DCC: variants seen among roughly 807,000 people sequenced by gnomAD.
DCC encodes netrin receptor DCC.
In DCC, 58 loss-of-function variants were observed where a neutral mutation model predicts 172.5. The ratio of observed to expected loss-of-function variants is 0.34; its 90% CI spans 0.27 to 0.42. DCC has a LOEUF of 0.42. Ranked by LOEUF, DCC falls within the 10% of genes least tolerant of loss-of-function variation. DCC has a pLI of 1.00. For missense variants in DCC, 1,740 were observed against 1,791.0 expected, an observed-to-expected ratio of 0.97 and a Z score of 0.51; for synonymous variants, 709 against 644.5, an observed-to-expected ratio of 1.10 and a Z score of -1.52.
intron 28 of DCC, 77 bp from the exon 29 acceptor site, chr18:53,530,487 C>T (rs571305506): frequency 9.3e-4 from 795 of 852,978 alleles, no homozygotes; most frequent in Admixed American, 2.0e-3. Flanking sequence ...AGCACCCCAA[C>T]TAGCTGTGGC....
At chr18:52,425,370 C>T (rs750967996) in intron 1 of DCC, among the ~76,000 whole-genome samples, 139 of 152,220 alleles carry the variant, frequency 9.1e-4, no homozygotes, top group Non-Finnish European at 1.7e-3. Context: ...TCCATGTCTC[C>T]TTGCGTTAGA....
rs1029236531 is a variant in DCC at position 53,063,356 on chromosome 18, T to C, written c.1037T>C (p.Met346Thr). The C allele has an allele frequency of 3.7e-6, 6 of 1,613,392 alleles. No homozygotes were observed. The highest frequency in any genetic ancestry group is 4.2e-6 in the Non-Finnish European group (5 of 1,179,510). Residue 346 changes from methionine (M) to threonine (T), a missense_variant, in exon 6 of 29, where the codon ATG (methionine) becomes ACG (threonine). Coordinates refer to ENST00000442544, the MANE Select transcript of DCC (RefSeq NM_005215.4). ...TCCAACCTGTATGCCTATGAAAGCATGGATATTGAGTTTGAATGTACAGTC... is the reference window on the plus strand; with the variant it reads ...TCCAACCTGTATGCCTATGAAAGCACGGATATTGAGTTTGAATGTACAGTC... ...HPSNLYAYES[M>T]DIEFECTVSG...
intron 3 of DCC, among the ~76,000 whole-genome samples, chr18:52,914,711 C>T (rs946423588): frequency 6.6e-6 from 1 of 152,104 alleles, no homozygotes; most frequent in Non-Finnish European, 1.5e-5. Flanking sequence ...AGAGTACCTA[C>T]TGGTGTTTGA....
In DCC at chr18:52,789,566, A is replaced by G. The variant is rs570100439; in HGVS notation, c.412+37192A>G. On this transcript the variant is annotated intron_variant, in intron 2 of 28. Transcript: ENST00000442544. ...CAACTTTAGCCACGCTAAGCAGTTA[A>G]GATTTTCAGCTTTTGAACTTTATAA... Among the ~76,000 whole-genome samples, 15 of 152,338 alleles carry G rather than the reference A, an allele frequency of 9.8e-5. No individual in the cohort carries two copies. The South Asian group carries it at 3.1e-3, about 32-fold the overall frequency.
intron 2 of DCC, among the ~76,000 whole-genome samples, chr18:52,805,346 G>A (rs905402416): frequency 4.6e-5 from 7 of 152,232 alleles, no homozygotes; most frequent in Non-Finnish European, 1.0e-4. Flanking sequence ...AGCCTTTGTG[G>A]AAGATGTGAC....
At chr18:52,644,578 CA>C (rs34472651) in intron 1 of DCC, among the ~76,000 whole-genome samples, 6,222 of 112,878 alleles carry the variant, frequency 0.055, 538 homozygotes, top group African/African-American at 0.2. Context: ...GACTCCGTCT[CA>C]AAAAAAAAAA....
chr18:53,516,205 T>G (rs1354648396), intron 27 of DCC, among the ~76,000 whole-genome samples: 1 of 151,172 alleles, frequency 6.6e-6, no homozygotes, highest in Non-Finnish European at 1.5e-5. Context: ...GGGGAAAGGA[T>G]TCCCTATTTA....
chr18:53,040,155 A>T (rs1433099399), intron 5 of DCC, among the ~76,000 whole-genome samples: 1 of 152,034 alleles, frequency 6.6e-6, no homozygotes, highest in African/African-American at 2.4e-5. Context: ...AGTGACATGG[A>T]TAGAATGCAG....
intron 1 of DCC, among the ~76,000 whole-genome samples, chr18:52,541,008 T>C (rs1268143014): frequency 6.6e-6 from 1 of 152,140 alleles, no homozygotes; most frequent in Non-Finnish European, 1.5e-5. Context: ...ATGAAAGTAG[T>C]GTTTTATTGT....
intron 8 of DCC, among the ~76,000 whole-genome samples, chr18:53,170,086 T>C (rs1042513050): frequency 6.6e-6 from 1 of 152,154 alleles, no homozygotes; most frequent in Non-Finnish European, 1.5e-5. Flanking sequence ...AACAAATCTG[T>C]GAAGGATAAC....
At chr18:52,700,549 T>C (rs1431171869) in intron 1 of DCC, among the ~76,000 whole-genome samples, 1 of 152,240 alleles carries the variant, frequency 6.6e-6, no homozygotes, top group African/African-American at 2.4e-5. Context: ...GAATGCCTGC[T>C]ATATTCTTTC....
At chr18:52,418,225 C>G (rs1444669327) in intron 1 of DCC, among the ~76,000 whole-genome samples, 2 of 152,190 alleles carry the variant, frequency 1.3e-5, no homozygotes, top group Non-Finnish European at 2.9e-5. Flanking sequence ...TTAATTTCCT[C>G]TGCCATTAGT....
intron 12 of DCC, among the ~76,000 whole-genome samples, chr18:53,224,715 A>T (rs1568375900): frequency 6.6e-6 from 1 of 152,192 alleles, no homozygotes. Context: ...GCAGAGCAAG[A>T]TCAAGGATAT....
chr18:52,932,589 A>G (rs1287471430), intron 5 of DCC, among the ~76,000 whole-genome samples: 1 of 152,124 alleles, frequency 6.6e-6, no homozygotes, highest in African/African-American at 2.4e-5. Context: ...AAATGGTTCT[A>G]GAATTCCCTT....
Position 52,906,063 on chromosome 18 carries a change from A to T in DCC, c.432A>T (p.Ser144=), listed in dbSNP as rs536110256. 3.3e-5 allele frequency: 54 copies of T among 1,612,174 alleles called. No individual in the cohort carries two copies. The Admixed American group carries it at 4.5e-4, about 13-fold the overall frequency. Residue 144 remains serine (S), a synonymous_variant, in exon 3 of 29, where the codon TCA becomes TCT. Coordinates refer to ENST00000442544, the MANE Select transcript of DCC (RefSeq NM_005215.4). ...TCCTAGGACCACTGAGGTTCCTTTC[A>T]CAGACAGAATCTGTCACAGCCTTCA... is the stretch of plus-strand genomic sequence containing the variant. ...VAVAGPLRFL[S]QTESVTAFMG... is the part of the protein sequence containing the mutation.
intron 8 of DCC, among the ~76,000 whole-genome samples, chr18:53,169,159 A>C (rs2054972214): frequency 6.6e-6 from 1 of 152,252 alleles, no homozygotes; most frequent in Non-Finnish European, 1.5e-5. Context: ...ATGCTTCAAA[A>C]GATGTCAGTG....
At chr18:53,088,298 C>A (rs1007266489) in intron 7 of DCC, among the ~76,000 whole-genome samples, 1 of 152,128 alleles carries the variant, frequency 6.6e-6, no homozygotes, top group Non-Finnish European at 1.5e-5. Context: ...GTTTGTAGTT[C>A]TCCTTGAAGA....
chr18:53,110,967 C>T (rs1360852705), intron 7 of DCC, among the ~76,000 whole-genome samples: 17 of 120,958 alleles, frequency 1.4e-4, no homozygotes, highest in African/African-American at 5.2e-4. Flanking sequence ...TATTGTGGCA[C>T]TATTCACAAT....
intron 5 of DCC, among the ~76,000 whole-genome samples, chr18:53,053,698 G>C (rs1009619086): frequency 6.6e-6 from 1 of 152,082 alleles, no homozygotes; most frequent in Non-Finnish European, 1.5e-5. Context: ...GAAAATATTT[G>C]ACTGAGGAAA....
Sources: allele counts gnomAD v4.1 joint callset (sites outside exome capture counted in the v4.1 genomes callset), GRCh38; gene constraint gnomAD v4.1.1; transcripts MANE v1.5; gene names NCBI Gene and HGNC (gene_info 2026-07-23, HGNC 2026-07-21).